The following THAP4 variants were observed in gnomAD, a reference collection of about 807,000 sequenced individuals.
The protein encoded by THAP4 is peroxynitrite isomerase THAP4.
In THAP4, 18 loss-of-function variants were observed where a neutral mutation model predicts 48.1. The ratio of observed to expected loss-of-function variants is 0.37; its 90% CI spans 0.26 to 0.56. The LOEUF is 0.56. Among genes scored for constraint, THAP4 ranks in the 20% least tolerant of loss-of-function variants. THAP4 has a pLI of 0.78. For synonymous variants in THAP4, 345 were observed against 324.9 expected, an observed-to-expected ratio of 1.06 and a Z score of -0.66; for missense variants, 656 against 774.9, an observed-to-expected ratio of 0.85 and a Z score of 1.82.
At chr2:241,613,873 C>T (rs893019775) in intron 2 of THAP4, among the ~76,000 whole-genome samples, 6 of 152,130 alleles carry the variant, frequency 3.9e-5, no homozygotes, top group African/African-American at 1.4e-4. Context: ...TTTTCAAGGC[C>T]GGGCATGATG....
chr2:241,603,136 C>G (rs1011747420), intron 3 of THAP4, 57 bp from the exon 4 acceptor site: 3 of 1,429,844 alleles, frequency 2.1e-6, no homozygotes, highest in Non-Finnish European at 3.0e-6. Flanking sequence ...ATGGCGTGGG[C>G]TGCGTGGATG....
intron 2 of THAP4, chr2:241,617,459 GGTT>G (rs1307702095): frequency 1.3e-6 from 2 of 1,551,040 alleles, no homozygotes; most frequent in East Asian, 4.9e-5. Context: ...GGTTCCTCAA[GGTT>G]GTTTTCTGCC....
At chr2:241,599,045 A>T (rs185190415) in intron 5 of THAP4, among the ~76,000 whole-genome samples, 1 of 152,210 alleles carries the variant, frequency 6.6e-6, no homozygotes, top group African/African-American at 2.4e-5. Flanking sequence ...TGAGATCAGG[A>T]ATTCAAGACC....
chr2:241,584,659 T>C lies in THAP4; in HGVS notation c.1681A>G (p.Thr561Ala). The C allele has an allele frequency of 1.9e-6, 3 of 1,614,196 alleles. No homozygotes were observed. In the East Asian group the frequency reaches 6.7e-5, roughly 36 times the overall value. The change falls in exon 6 of 6, where the codon ACA becomes GCA. Residue 561 changes from threonine to alanine, a missense_variant. Physicochemically the swap from Thr to Ala is moderately conservative, Grantham distance 58. Around this residue, in one of 4 missense-constraint regions of THAP4, gnomAD observed 176 missense variants for 256.7 expected, o/e 0.69. Coordinates refer to ENST00000407315, the MANE Select transcript of THAP4 (RefSeq NM_015963.6). ...LEQTVSMATTTQPMTQHLHVT... is the reference protein window; with the variant it reads ...LEQTVSMATTAQPMTQHLHVT... ...TGAAGATGCTGAGTCATTGGCTGTG[T>C]CGTGGTTGCCATGGAGACCGTCTGC...
intron 2 of THAP4, among the ~76,000 whole-genome samples, chr2:241,609,782 C>CAAA (rs34765458): frequency 1.7e-4 from 24 of 143,304 alleles, no homozygotes; most frequent in African/African-American, 6.1e-4. Context: ...GACGTTTTCT[C>CAAA]AAAAAAAAAA....
intron 2 of THAP4, among the ~76,000 whole-genome samples, chr2:241,625,028 CA>C (rs2067480076): frequency 6.6e-6 from 1 of 152,096 alleles, no homozygotes; most frequent in Non-Finnish European, 1.5e-5. Flanking sequence ...AATAGCTTTC[CA>C]AAACAGAAAG....
At chr2:241,614,860 G>C (rs2067318404) in intron 2 of THAP4, among the ~76,000 whole-genome samples, 1 of 152,168 alleles carries the variant, frequency 6.6e-6, no homozygotes. Context: ...TTGCACTCCA[G>C]CCTGGGTGAC....
chr2:241,593,986 A>C (rs772879101), intron 5 of THAP4, among the ~76,000 whole-genome samples: 13 of 152,190 alleles, frequency 8.5e-5, no homozygotes, highest in Non-Finnish European at 1.3e-4. Context: ...CGCGAGGCAC[A>C]GTATTCTTCT....
Position 241,584,596 on chromosome 2 carries a change from A to G in THAP4, c.*10T>C. On this transcript the variant is annotated 3_prime_UTR_variant, in exon 6 of 6. Coordinates refer to ENST00000407315, the MANE Select transcript of THAP4 (RefSeq NM_015963.6). ...GCCAGGCCCTCCCGAGGGCTCCAGA[A>G]GCTCTAGGTTTACGGGGTCACCTTC... 1 of 1,613,884 alleles carries G rather than the reference A, an allele frequency of 6.2e-7. No individual in the cohort carries two copies. The highest frequency in any genetic ancestry group is 8.5e-7 in the Non-Finnish European group (1 of 1,179,982).
chr2:241,626,276 A>C (rs1239549064), intron 2 of THAP4, among the ~76,000 whole-genome samples: 1 of 152,004 alleles, frequency 6.6e-6, no homozygotes, highest in Non-Finnish European at 1.5e-5. Flanking sequence ...TCCCATCTCT[A>C]CTAAAAATAC....
At position 241,633,264 on chromosome 2, in the gene THAP4, T is replaced by C. The variant is rs756394943; in HGVS notation, c.893A>G (p.Gln298Arg). ...SLTATPQKPSQSPSAPPADVT... is the reference protein window; with the variant it reads ...SLTATPQKPSRSPSAPPADVT... Reference sequence around the variant, plus strand: ...GTCGGCAGGAGGGGCAGAGGGGCTCTGGGAAGGCTTCTGCGGTGTCGCGGT... The same window carrying C: ...GTCGGCAGGAGGGGCAGAGGGGCTCCGGGAAGGCTTCTGCGGTGTCGCGGT... Residue 298 changes from glutamine (Q) to arginine (R), a missense_variant, in exon 2 of 6, where the codon CAG becomes CGG. By Grantham distance (43) the Gln-to-Arg change is conservative (BLOSUM62 1). Around this residue, in one of 4 missense-constraint regions of THAP4, gnomAD observed 391 missense variants for 412.4 expected, o/e 0.95. Coordinates refer to ENST00000407315, the MANE Select transcript of THAP4 (RefSeq NM_015963.6). This position sits in a 1 kb window ranked among gnomAD's most constrained non-coding sequence, Gnocchi z 7.5. 6.2e-7 allele frequency: 1 copy of C among 1,611,174 alleles called. No homozygotes were observed. The highest frequency in any genetic ancestry group is 8.5e-7 in the Non-Finnish European group (1 of 1,179,470).
At chr2:241,624,448 C>T (rs2067470853) in intron 2 of THAP4, among the ~76,000 whole-genome samples, 1 of 151,394 alleles carries the variant, frequency 6.6e-6, no homozygotes, top group Non-Finnish European at 1.5e-5. Context: ...GATCGCGCCA[C>T]TGTACTCCAG....
At chr2:241,588,333 G>A (rs2066916973) in intron 5 of THAP4, among the ~76,000 whole-genome samples, 1 of 152,210 alleles carries the variant, frequency 6.6e-6, no homozygotes, top group Admixed American at 6.5e-5. Context: ...CACTGGATTG[G>A]AGGACTCAGT....
intron 2 of THAP4, among the ~76,000 whole-genome samples, chr2:241,631,740 C>T (rs912574868): frequency 6.6e-5 from 10 of 152,186 alleles, no homozygotes; most frequent in Non-Finnish European, 1.3e-4. Flanking sequence ...GCTGAGATTA[C>T]AGGCAAGAGC....
At chr2:241,620,956 G>A (rs967169434) in intron 2 of THAP4, among the ~76,000 whole-genome samples, 1 of 151,742 alleles carries the variant, frequency 6.6e-6, no homozygotes, top group Non-Finnish European at 1.5e-5. Flanking sequence ...AACGAGACAT[G>A]CTAAAAGGCA....
chr2:241,607,280 C>A (rs1195335468), intron 2 of THAP4, among the ~76,000 whole-genome samples: 2 of 152,044 alleles, frequency 1.3e-5, no homozygotes, highest in East Asian at 1.9e-4. Context: ...CTCAAAGGGA[C>A]CCCTGCTTCC....
chr2:241,637,029 GC>G lies in THAP4; in HGVS notation c.-13del. On this transcript the variant is annotated 5_prime_UTR_variant, in exon 1 of 6. Coordinates refer to ENST00000407315, the MANE Select transcript of THAP4 (RefSeq NM_015963.6). ...CAGCAGATCACCATCGCGGGCCTTG[GC>G]CCAGCCGCGCAGCCAGGCCCCGGCC... 8.0e-7 allele frequency: 1 copy of G among 1,250,844 alleles called. No individual in the cohort carries two copies. The highest frequency in any genetic ancestry group is 1.0e-6 in the Non-Finnish European group (1 of 972,816). The allele number at this position is 1,250,844 out of a possible 1,614,324, so 77.5% of individuals were successfully genotyped here.
At position 241,623,936 on chromosome 2, in the gene THAP4, T is replaced by C. The variant is rs143817813; in HGVS notation, c.1240+8981A>G. On this transcript the variant is annotated intron_variant, in intron 2 of 5. Coordinates refer to ENST00000407315, the MANE Select transcript of THAP4 (RefSeq NM_015963.6). ...ATTCTCTGATACCATTTGGGTGTCC[T>C]GCACGTCAATTCAGTTCTGACACGA... 1.1e-3 allele frequency among the ~76,000 whole-genome samples: 172 copies of C among 152,360 alleles called. 1 individual carries two copies. Among genetic ancestry groups the C allele is most frequent in the African/African-American group, 3.7e-3 (155 of 41,588 alleles).
chr2:241,636,669 G>A (rs946429812), intron 1 of THAP4, among the ~76,000 whole-genome samples: 2 of 152,186 alleles, frequency 1.3e-5, no homozygotes, highest in Non-Finnish European at 2.9e-5. Context: ...TGCGCTTCCA[G>A]AGCGTGCGGC....
Sources: allele counts gnomAD v4.1 joint callset (sites outside exome capture counted in the v4.1 genomes callset), GRCh38; gene constraint gnomAD v4.1.1; regional missense constraint gnomAD v4.1.1; non-coding constraint Gnocchi (gnomAD v3.1); transcripts MANE v1.5; gene names NCBI Gene and HGNC (gene_info 2026-07-23, HGNC 2026-07-21).